Variants in KIF6 observed in about 807,000 individuals in gnomAD.
KIF6 encodes the protein kinesin family member 6.
Under a neutral mutation model 112.7 loss-of-function variants are expected in KIF6, and 106 were observed. The observed-to-expected ratio is 0.94, with a 90% CI of 0.80 to 1.11. The LOEUF (loss-of-function observed/expected upper bound fraction) is 1.11. KIF6 is among the 50% of genes least tolerant of loss of function. KIF6 has a pLI of 0.00. For synonymous variants in KIF6, 339 were observed against 339.9 expected, an observed-to-expected ratio of 1.00 and a Z score of 0.03; for missense variants, 929 against 964.0, an observed-to-expected ratio of 0.96 and a Z score of 0.48.
chr6:39,477,255 G>A (rs1774482465), intron 13 of KIF6, among the ~76,000 whole-genome samples: 1 of 152,190 alleles, frequency 6.6e-6, no homozygotes, highest in Non-Finnish European at 1.5e-5. Flanking sequence ...GGTATTGTCG[G>A]TGGGTATGTA....
intron 1 of KIF6, among the ~76,000 whole-genome samples, chr6:39,723,823 CCACGG>C (rs1365150914): frequency 2.0e-5 from 3 of 152,106 alleles, no homozygotes; most frequent in Non-Finnish European, 4.4e-5. Context: ...CAGCAAACCA[CCACGG>C]CACGTGTATA....
chr6:39,345,621 C>T lies in KIF6; in HGVS notation c.2321+79G>A, dbSNP rs112535273. The T allele has an allele frequency of 3.8e-3, 4,575 of 1,203,880 alleles. 51 individuals carry two copies. The highest frequency in any genetic ancestry group is 0.031 in the African/African-American group (2,098 of 66,706). The allele number at this position is 1,203,880 out of a possible 1,614,324, so 74.6% of individuals were successfully genotyped here. ...GTGGCTACTGGACGAGGGGCTTTTTCGGGGAGTAGACTGGAGATGGAGGCC... is the reference window on the plus strand; with the variant it reads ...GTGGCTACTGGACGAGGGGCTTTTTTGGGGAGTAGACTGGAGATGGAGGCC... On this transcript the variant is annotated intron_variant, in intron 21 of 22. Transcript: ENST00000287152.
chr6:39,360,658 G>C, intron 17 of KIF6, 128 bp from the exon 18 acceptor site: 1 of 1,022,188 alleles, frequency 9.8e-7, no homozygotes, highest in Non-Finnish European at 1.4e-6. Context: ...CAGGGACTGG[G>C]ACCCTATAGG....
At chr6:39,354,007 G>C in intron 19 of KIF6, 1 of 393,574 alleles carries the variant, frequency 2.5e-6, no homozygotes, top group Non-Finnish European at 5.0e-6. Flanking sequence ...ATGGGTCCAA[G>C]CCCAGATTGA....
chr6:39,687,743 G>C (rs539789083), intron 3 of KIF6, among the ~76,000 whole-genome samples: 1 of 152,310 alleles, frequency 6.6e-6, no homozygotes, highest in Non-Finnish European at 1.5e-5. Context: ...CAGACTTTCT[G>C]GGCTCAAATC....
intron 10 of KIF6, among the ~76,000 whole-genome samples, chr6:39,559,136 A>G (rs2150592571): frequency 6.6e-6 from 1 of 152,326 alleles, no homozygotes; most frequent in African/African-American, 2.4e-5. Flanking sequence ...CTGATTTCTT[A>G]TAAAATGCAA....
At chr6:39,383,263 T>A (rs970328943) in intron 16 of KIF6, among the ~76,000 whole-genome samples, 1 of 152,178 alleles carries the variant, frequency 6.6e-6, no homozygotes, top group African/African-American at 2.4e-5. Flanking sequence ...GAAAAGTATA[T>A]CCTAGGTTTT....
At chr6:39,611,182 A>ACT (rs1241794851) in intron 6 of KIF6, among the ~76,000 whole-genome samples, 7 of 152,072 alleles carry the variant, frequency 4.6e-5, no homozygotes, top group Admixed American at 4.6e-4. Context: ...GTGGCGCATG[A>ACT]CTGCAGTCCC....
intron 10 of KIF6, among the ~76,000 whole-genome samples, chr6:39,551,268 C>T (rs1044066876): frequency 2.6e-5 from 4 of 152,232 alleles, no homozygotes; most frequent in Non-Finnish European, 5.9e-5. Context: ...CATGTTGTCA[C>T]TCACACGTGG....
At chr6:39,603,682 C>G (rs1782709338) in intron 6 of KIF6, among the ~76,000 whole-genome samples, 1 of 151,844 alleles carries the variant, frequency 6.6e-6, no homozygotes, top group South Asian at 2.1e-4. Flanking sequence ...ATAATATGCT[C>G]TTGTGGATGT....
At chr6:39,642,892 C>T (rs1784984083) in intron 3 of KIF6, among the ~76,000 whole-genome samples, 1 of 152,108 alleles carries the variant, frequency 6.6e-6, no homozygotes, top group Non-Finnish European at 1.5e-5. Flanking sequence ...GACAGTGTTA[C>T]AAACTTCCTC....
chr6:39,616,454 C>T (rs1445141587), intron 5 of KIF6, among the ~76,000 whole-genome samples: 1 of 152,160 alleles, frequency 6.6e-6, no homozygotes, highest in African/African-American at 2.4e-5. Flanking sequence ...AATACAAAGG[C>T]AGGTTAGAGT....
chr6:39,345,886 G>A (rs1293797607), intron 20 of KIF6, 97 bp from the exon 21 acceptor site: 3 of 837,468 alleles, frequency 3.6e-6, no homozygotes, highest in Admixed American at 4.5e-5. Context: ...GACTGAATGT[G>A]TCCTCTCAAA....
Position 39,451,224 on chromosome 6 carries a change from T to C in KIF6, c.1646-20063A>G, listed in dbSNP as rs147903523. 4.3e-3 allele frequency among the ~76,000 whole-genome samples: 654 copies of C among 152,358 alleles called. 4 individuals carry two copies. Among genetic ancestry groups the C allele is most frequent in the African/African-American group, 0.015 (605 of 41,584 alleles). The stretch of plus-strand genomic sequence containing the variant: ...AGGCTTATTTCCTTTGGAGAGCTTA[T>C]GTTCTACTGAGGGCAACAGACAAGA... On this transcript the variant is annotated intron_variant, in intron 13 of 22. Transcript: ENST00000287152.
At chr6:39,573,546 T>C (rs965110041) in intron 10 of KIF6, among the ~76,000 whole-genome samples, 2 of 152,198 alleles carry the variant, frequency 1.3e-5, no homozygotes, top group Non-Finnish European at 2.9e-5. Flanking sequence ...TTTGTGAAAC[T>C]GTATGATTTG....
At position 39,417,668 on chromosome 6, in the gene KIF6, A is replaced by C. The variant is rs1039740362; in HGVS notation, c.1810+2280T>G. Among the ~76,000 whole-genome samples the C allele has an allele frequency of 2.0e-5, 3 of 152,258 alleles. No homozygotes were observed. In the South Asian group the frequency reaches 6.2e-4, roughly 32 times the overall value. ...CCTGCCTAATCTTCAGAATGTGGCAAACTTGCTCCACCAACATACACGATT... is the reference window on the plus strand; with the variant it reads ...CCTGCCTAATCTTCAGAATGTGGCACACTTGCTCCACCAACATACACGATT... On this transcript the variant is annotated intron_variant, in intron 15 of 22. Coordinates refer to ENST00000287152, the MANE Select transcript of KIF6 (RefSeq NM_145027.6).
intron 13 of KIF6, among the ~76,000 whole-genome samples, chr6:39,443,856 T>A (rs78597878): frequency 0.026 from 4,022 of 152,338 alleles, 190 homozygotes; most frequent in African/African-American, 0.087. Flanking sequence ...TTTCCTTAGC[T>A]TGTAAGTAAG....
At chr6:39,519,063 G>C (rs1546910) in intron 13 of KIF6, among the ~76,000 whole-genome samples, 69,726 of 151,990 alleles carry the variant, frequency 0.46, 19,174 homozygotes, top group African/African-American at 0.77. Context: ...GATACTAGGT[G>C]TGGCTGCATT....
chr6:39,394,158 AT>A (rs1768083124), intron 15 of KIF6, among the ~76,000 whole-genome samples: 1 of 152,144 alleles, frequency 6.6e-6, no homozygotes, highest in Non-Finnish European at 1.5e-5. Flanking sequence ...TGGAGAGTGA[AT>A]TGGGTAGGAG....
Sources: gnomAD v4.1 joint callset for allele counts (sites outside exome capture counted in the v4.1 genomes callset) on GRCh38, gnomAD v4.1.1 for gene constraint, MANE v1.5 for transcripts, NCBI Gene and HGNC (gene_info 2026-07-23, HGNC 2026-07-21) for gene names.